Variants in PROC observed in about 807,000 individuals in gnomAD.
PROC encodes the protein protein C, inactivator of coagulation factors Va and VIIIa, also known as vitamin K-dependent protein C.
A neutral mutation model predicts 36.3 loss-of-function variants in PROC; 22 were observed. The observed-to-expected ratio is 0.61, with a 90% CI of 0.43 to 0.86. PROC has a LOEUF of 0.86. Among genes scored for constraint, PROC ranks in the 40% least tolerant of loss-of-function variants. PROC has a pLI of 0.00. For missense variants in PROC, 526 were observed against 629.7 expected (o/e 0.84, Z 1.76); for synonymous variants, 218 against 244.5 (o/e 0.89, Z 1.01).
intron 8 of PROC, 93 bp from the exon 9 acceptor site, chr2:127,428,264 C>A: frequency 7.9e-7 from 1 of 1,260,700 alleles, no homozygotes. Context: ...TCTGCCCAGG[C>A]CTGCAGGGGC....
rs775976369 is a variant in PROC, at chr2:127,427,161, C to G, written c.735C>G (p.Pro245=). The G allele has an allele frequency of 3.1e-6, 5 of 1,613,804 alleles. No individual in the cohort carries two copies. The highest frequency in any genetic ancestry group is 4.2e-6 in the Non-Finnish European group (5 of 1,180,004). Residue 245 remains proline, a synonymous_variant, in exon 8 of 9, where the codon CCC becomes CCG. Coordinates refer to ENST00000234071, the MANE Select transcript of PROC (RefSeq NM_000312.4). ...CCTGCGGGGCAGTGCTCATCCACCC[C>G]TCCTGGGTGCTGACAGCGGCCCACT... is the stretch of plus-strand genomic sequence containing the variant. ...KLACGAVLIH[P]SWVLTAAHCM... is the part of the protein sequence containing the mutation.
chr2:127,427,714 G>C, intron 8 of PROC, among the ~76,000 whole-genome samples: 1 of 151,888 alleles, frequency 6.6e-6, no homozygotes, highest in East Asian at 1.9e-4. Flanking sequence ...AATTTCTGGA[G>C]GGGGGGTCTG....
intron 8 of PROC, 50 bp from the exon 9 acceptor site, chr2:127,428,307 T>G: frequency 2.5e-6 from 4 of 1,575,452 alleles, no homozygotes; most frequent in Non-Finnish European, 3.5e-6. Flanking sequence ...AAAGTGCCAC[T>G]GGGGAGAGGC....
chr2:127,429,081 T>TG lies in PROC; in HGVS notation c.*136dup. ...TCTTCTGGAGGGAAGTAACATTTAC[T>TG]GAGCACCTGTTGTATGTCACATGCC... On this transcript the variant is annotated 3_prime_UTR_variant, in exon 9 of 9. Coordinates refer to ENST00000234071, the MANE Select transcript of PROC (RefSeq NM_000312.4). The TG allele has an allele frequency of 1.1e-6, 1 of 946,966 alleles. No individual in the cohort carries two copies. The highest frequency in any genetic ancestry group is 1.5e-5 in the South Asian group (1 of 68,874). The allele number at this position is 946,966 out of a possible 1,614,324, so 58.7% of individuals were successfully genotyped here.
In PROC at chr2:127,422,118, G is replaced by C. The variant is rs577512007; in HGVS notation, c.237+669G>C. On this transcript the variant is annotated intron_variant, in intron 3 of 8. Transcript: ENST00000234071. ...CCTGGGCCCCCTTCCAAGGCATCCA[G>C]GGATGCTTTCCAGTGGAGGCTTTCA... is the stretch of plus-strand genomic sequence containing the variant. Among the ~76,000 whole-genome samples, 5 of 152,340 alleles carry C rather than the reference G, an allele frequency of 3.3e-5. No homozygotes were observed. The South Asian group carries it at 1.0e-3, about 32-fold the overall frequency.
intron 7 of PROC, 32 bp from the exon 8 acceptor site, chr2:127,427,073 C>A: frequency 7.6e-6 from 12 of 1,588,096 alleles, no homozygotes; most frequent in Non-Finnish European, 1.0e-5. Flanking sequence ...CAGGAGGCAG[C>A]CCTGTGATGT....
Position 127,418,628 on chromosome 2 carries a change from C to T in PROC, c.-22+136C>T. The T allele has an allele frequency of 1.4e-6, 1 of 714,246 alleles. No homozygotes were observed. Among genetic ancestry groups the T allele is most frequent in the South Asian group, 1.6e-5 (1 of 63,830 alleles). 44.2% of individuals were successfully genotyped at this position (714,246 alleles called of 1,614,324 possible). On this transcript the variant is annotated intron_variant, in intron 1 of 8. Coordinates refer to ENST00000234071, the MANE Select transcript of PROC (RefSeq NM_000312.4). This position sits in a 1 kb window ranked among gnomAD's most constrained non-coding sequence, Gnocchi z 4.8. ...AGCCTGAGCTTGGGGTGAAAGGACACAAGGCCCTCCACAGGCCAGGCCTGG... is the reference window on the plus strand; with the variant it reads ...AGCCTGAGCTTGGGGTGAAAGGACATAAGGCCCTCCACAGGCCAGGCCTGG...
Position 127,418,906 on chromosome 2 carries a change from T to G in PROC, c.-22+414T>G, listed in dbSNP as rs1356381958. ...GGCCTATCCACTGGGGAGGGTTCCT[T>G]GATCTCTGGCCACCAGGGCTATCTC... is the stretch of plus-strand genomic sequence containing the variant. On this transcript the variant is annotated intron_variant, in intron 1 of 8. Coordinates refer to ENST00000234071, the MANE Select transcript of PROC (RefSeq NM_000312.4). The surrounding 1 kb of genome is among the most constrained non-coding windows in gnomAD (Gnocchi z 4.8). Among the ~76,000 whole-genome samples, 1 of 152,180 alleles carries G rather than the reference T, an allele frequency of 6.6e-6. No individual in the cohort carries two copies. Among genetic ancestry groups the G allele is most frequent in the African/African-American group, 2.4e-5 (1 of 41,436 alleles).
intron 6 of PROC, among the ~76,000 whole-genome samples, chr2:127,423,999 A>G (rs903131410): frequency 2.0e-5 from 3 of 152,120 alleles, no homozygotes; most frequent in Non-Finnish European, 4.4e-5. Flanking sequence ...ATTTTCATTA[A>G]AAGGTGGACC....
intron 1 of PROC, 22 bp from the exon 2 acceptor site, chr2:127,419,900 G>A (rs759002262): frequency 4.2e-5 from 68 of 1,613,620 alleles, no homozygotes; most frequent in East Asian, 6.7e-5. Flanking sequence ...GGCACTGCCC[G>A]GAGCTCAGAA....
Position 127,419,918 on chromosome 2 carries a change from T to TCAGA in PROC, c.-21_-18dup. The TCAGA allele has an allele frequency of 6.2e-7, 1 of 1,613,796 alleles. No homozygotes were observed. The highest frequency in any genetic ancestry group is 2.2e-5 in the East Asian group (1 of 44,890). On this transcript the variant is annotated splice_region_variant and splice_polypyrimidine_tract_variant and intron_variant, in intron 1 of 8. Transcript: ENST00000234071. ...ACTGCCCGGAGCTCAGAAGTCCTCC[T>TCAGA]CAGACAGGTGCCAGTGCCTCCAGAA...
chr2:127,426,059 C>T lies in PROC; in HGVS notation c.536-26C>T. 1 of 1,613,704 alleles carries T rather than the reference C, an allele frequency of 6.2e-7. No homozygotes were observed. The highest frequency in any genetic ancestry group is 8.5e-7 in the Non-Finnish European group (1 of 1,179,954). On this transcript the variant is annotated intron_variant, in intron 6 of 8. Coordinates refer to ENST00000234071, the MANE Select transcript of PROC (RefSeq NM_000312.4). This position sits in a 1 kb window ranked among gnomAD's most constrained non-coding sequence, Gnocchi z 7.0. ...AGTCTCGGGAGGAGTGCCTGGCAGG[C>T]CCCTCACCACCTCTGCCTACCTCAG...
intron 6 of PROC, among the ~76,000 whole-genome samples, chr2:127,425,182 G>A (rs564614825): frequency 3.5e-4 from 54 of 152,304 alleles, no homozygotes; most frequent in African/African-American, 1.1e-3. Context: ...CTATGGTTCC[G>A]TGGTCCAGTC....
chr2:127,428,836 T>C lies in PROC; in HGVS notation c.1276T>C (p.Cys426Arg). The C allele has an allele frequency of 6.2e-7, 1 of 1,612,840 alleles. No homozygotes were observed. The highest frequency in any genetic ancestry group is 8.5e-7 in the Non-Finnish European group (1 of 1,179,356). Residue 426 changes from cysteine (C) to arginine (R), a missense_variant, in exon 9 of 9, where the codon TGT becomes CGT. Coordinates refer to ENST00000234071, the MANE Select transcript of PROC (RefSeq NM_000312.4). The stretch of plus-strand genomic sequence containing the variant: ...GGGCCTGGTGAGCTGGGGTGAGGGC[T>C]GTGGGCTCCTTCACAACTACGGCGT... The part of the protein sequence containing the change: ...LVGLVSWGEG[C>R]GLLHNYGVYT...
chr2:127,426,228 G>C lies in PROC; in HGVS notation c.678+1G>C. On this transcript the variant is annotated splice_donor_variant, in intron 7 of 8. Coordinates refer to ENST00000234071, the MANE Select transcript of PROC (RefSeq NM_000312.4). LOFTEE classifies it high-confidence loss of function. This position sits in a 1 kb window ranked among gnomAD's most constrained non-coding sequence, Gnocchi z 7.0. ...CAGGCGGGGAGACAGCCCCTGGCAG[G>C]TGGGAGGCGAGGCAGCACCGGCTGC... 1 of 1,613,988 alleles carries C rather than the reference G, an allele frequency of 6.2e-7. No homozygotes were observed. Among genetic ancestry groups the C allele is most frequent in the Non-Finnish European group, 8.5e-7 (1 of 1,180,028 alleles).
chr2:127,429,072 A>T lies in PROC; in HGVS notation c.*126A>T. The T allele has an allele frequency of 9.6e-7, 1 of 1,045,178 alleles. No homozygotes were observed. Among genetic ancestry groups the T allele is most frequent in the Non-Finnish European group, 1.4e-6 (1 of 693,806 alleles). The allele number at this position is 1,045,178 out of a possible 1,614,324, so 64.7% of individuals were successfully genotyped here. ...CTTTTGGGCTCTTCTGGAGGGAAGT[A>T]ACATTTACTGAGCACCTGTTGTATG... On this transcript the variant is annotated 3_prime_UTR_variant, in exon 9 of 9. Transcript: ENST00000234071.
chr2:127,422,947 T>C lies in PROC; in HGVS notation c.262+6T>C. On this transcript the variant is annotated splice_donor_region_variant and intron_variant, in intron 4 of 8. Coordinates refer to ENST00000234071, the MANE Select transcript of PROC (RefSeq NM_000312.4). Reference sequence around the variant, plus strand: ...CTTCTGGTCCAAGCACGTCGGTGAGTGCGTTCTAGATCCCCGGCTGGACTA... The same window carrying C: ...CTTCTGGTCCAAGCACGTCGGTGAGCGCGTTCTAGATCCCCGGCTGGACTA... 6.3e-7 allele frequency: 1 copy of C among 1,598,776 alleles called. No individual in the cohort carries two copies. The highest frequency in any genetic ancestry group is 8.5e-7 in the Non-Finnish European group (1 of 1,173,828).
In PROC at chr2:127,428,832, G is replaced by A. The variant is rs770534863; in HGVS notation, c.1272G>A (p.Glu424=). 156 of 1,612,500 alleles carry A rather than the reference G, an allele frequency of 9.7e-5. No individual in the cohort carries two copies. Among genetic ancestry groups the A allele is most frequent in the Non-Finnish European group, 1.2e-4 (143 of 1,179,204 alleles). Residue 424 remains glutamate (E), a synonymous_variant, in exon 9 of 9, where the codon GAG becomes GAA. Coordinates refer to ENST00000234071, the MANE Select transcript of PROC (RefSeq NM_000312.4). The part of the protein sequence containing the change: ...WFLVGLVSWG[E]GCGLLHNYGV... Reference sequence around the variant, plus strand: ...TGGTGGGCCTGGTGAGCTGGGGTGAGGGCTGTGGGCTCCTTCACAACTACG... The same window carrying A: ...TGGTGGGCCTGGTGAGCTGGGGTGAAGGCTGTGGGCTCCTTCACAACTACG...
At position 127,426,179 on chromosome 2, in the gene PROC, G is replaced by A. The variant is rs2069927; in HGVS notation, c.630G>A (p.Pro210=). ...DTEDQEDQVD[P]RLIDGKMTRR... is the part of the protein sequence containing the mutation. ...AAGACCAAGAAGACCAAGTAGATCC[G>A]CGGCTCATTGATGGGAAGATGACCA... Residue 210 remains proline (P), a synonymous_variant, in exon 7 of 9, where the codon CCG becomes CCA. Coordinates refer to ENST00000234071, the MANE Select transcript of PROC (RefSeq NM_000312.4). The surrounding 1 kb of genome is among the most constrained non-coding windows in gnomAD (Gnocchi z 7.0). 1.8e-3 allele frequency: 2,961 copies of A among 1,614,106 alleles called. 43 individuals carry two copies. The African/African-American group carries it at 0.035, about 19-fold the overall frequency.
Sources: allele counts gnomAD v4.1 joint callset (sites outside exome capture counted in the v4.1 genomes callset), GRCh38; gene constraint gnomAD v4.1.1; non-coding constraint Gnocchi (gnomAD v3.1); transcripts MANE v1.5; gene names NCBI Gene and HGNC (gene_info 2026-07-23, HGNC 2026-07-21).